The following DENND1A variants were observed in gnomAD, a reference collection of about 807,000 sequenced individuals.
The protein encoded by DENND1A is DENN domain containing 1A.
A neutral mutation model predicts 113.7 loss-of-function variants in DENND1A; 51 were observed. The observed-to-expected ratio is 0.45, with a 90% CI of 0.36 to 0.57. The LOEUF (loss-of-function observed/expected upper bound fraction) is 0.57. Ranked by LOEUF, DENND1A falls within the 20% of genes least tolerant of loss-of-function variation. DENND1A has a pLI of 0.00. For synonymous variants in DENND1A, 565 were observed against 570.8 expected (o/e 0.99, Z 0.14); for missense variants, 1,258 against 1,395.9 (o/e 0.90, Z 1.57).
In DENND1A at chr9:123,413,996, G is replaced by C. The variant is rs1202345938; in HGVS notation, c.1489-2167C>G. The C allele has an allele frequency of 3.0e-6, 3 of 988,860 alleles. No homozygotes were observed. In the African/African-American group the frequency reaches 5.2e-5, roughly 17 times the overall value. 61.3% of individuals were successfully genotyped at this position (988,860 alleles called of 1,614,324 possible). A position where few individuals can be genotyped will look rare whatever the true frequency, so the allele number is the denominator to read the frequency against. Reference sequence around the variant, plus strand: ...CTTATGCTTGGCCTTTCTACTTCGGGGGAACCATCTTCTCCAGCCCCACTG... The same window carrying C: ...CTTATGCTTGGCCTTTCTACTTCGGCGGAACCATCTTCTCCAGCCCCACTG... On this transcript the variant is annotated intron_variant, in intron 19 of 23. Coordinates refer to ENST00000394215, the MANE Select transcript of DENND1A (RefSeq NM_001352964.2).
intron 20 of DENND1A, among the ~76,000 whole-genome samples, chr9:123,408,915 C>T (rs10818818): frequency 6.6e-6 from 1 of 152,040 alleles, no homozygotes; most frequent in Non-Finnish European, 1.5e-5. Flanking sequence ...ATTCCCTGCC[C>T]GCCTTGGATC....
chr9:123,905,594 T>C (rs1338004607), intron 1 of DENND1A, among the ~76,000 whole-genome samples: 1 of 140,084 alleles, frequency 7.1e-6, no homozygotes, highest in East Asian at 2.1e-4. Context: ...CCAACAAAGA[T>C]CAAAAGAGAC....
At position 123,711,481 on chromosome 9, in the gene DENND1A, TAA is replaced by T. The variant is rs1233510468; in HGVS notation, c.303-34694_303-34693del. On this transcript the variant is annotated intron_variant, in intron 5 of 23. Transcript: ENST00000394215. ...GCTCCATCTCAAAATAATAATAAAT[TAA>T]AAAATATATATATATATATATGTAT... 3.1e-3 allele frequency among the ~76,000 whole-genome samples: 274 copies of T among 89,050 alleles called. 4 individuals carry two copies. Among genetic ancestry groups the T allele is most frequent in the African/African-American group, 0.016 (258 of 16,198 alleles). The allele number at this position is 89,050 out of a possible 152,430, so 58.4% of individuals were successfully genotyped here.
chr9:123,512,024 C>G (rs969892574), intron 13 of DENND1A, among the ~76,000 whole-genome samples: 1 of 152,184 alleles, frequency 6.6e-6, no homozygotes, highest in Non-Finnish European at 1.5e-5. Context: ...GAGAAGAATA[C>G]AGAGGATCGA....
chr9:123,494,956 T>A (rs1024507032), intron 13 of DENND1A, among the ~76,000 whole-genome samples: 6 of 152,054 alleles, frequency 3.9e-5, no homozygotes, highest in African/African-American at 1.2e-4. Flanking sequence ...CACGCCAGGA[T>A]AATTTTTGTA....
chr9:123,493,888 G>A (rs976957865), intron 13 of DENND1A, among the ~76,000 whole-genome samples: 1 of 152,148 alleles, frequency 6.6e-6, no homozygotes, highest in Non-Finnish European at 1.5e-5. Flanking sequence ...TCTTTCCTGA[G>A]AGCAATTTGA....
intron 5 of DENND1A, among the ~76,000 whole-genome samples, chr9:123,694,159 A>G (rs781775061): frequency 1.3e-5 from 2 of 152,064 alleles, no homozygotes; most frequent in Non-Finnish European, 1.5e-5. Context: ...ACACTAACAA[A>G]TTATTTGTGA....
intron 8 of DENND1A, 65 bp from the exon 9 acceptor site, chr9:123,652,188 A>G (rs41278284): frequency 1.8e-4 from 231 of 1,263,420 alleles, no homozygotes; most frequent in Non-Finnish European, 2.5e-4. Context: ...ACTGTATCTA[A>G]TAAGAGCATA....
At chr9:123,570,249 G>T (rs1344145994) in intron 12 of DENND1A, among the ~76,000 whole-genome samples, 59 of 152,318 alleles carry the variant, frequency 3.9e-4, no homozygotes, top group South Asian at 8.3e-4. Flanking sequence ...AGTGGCTATA[G>T]ATCTGCCCAT....
At chr9:123,641,200 T>C (rs1467375947) in intron 9 of DENND1A, among the ~76,000 whole-genome samples, 1 of 152,210 alleles carries the variant, frequency 6.6e-6, no homozygotes, top group Non-Finnish European at 1.5e-5. Context: ...ATTTCTTTTA[T>C]GACAGCCATG....
intron 2 of DENND1A, among the ~76,000 whole-genome samples, chr9:123,861,770 A>G (rs1035657489): frequency 2.6e-5 from 4 of 152,140 alleles, no homozygotes; most frequent in Non-Finnish European, 5.9e-5. Flanking sequence ...ATCAACAAAG[A>G]GGGGTTTTCT....
intron 5 of DENND1A, among the ~76,000 whole-genome samples, chr9:123,698,561 T>C (rs2065669517): frequency 6.6e-6 from 1 of 152,212 alleles, no homozygotes; most frequent in South Asian, 2.1e-4. Flanking sequence ...TGGACCAACA[T>C]TATATAATTT....
intron 13 of DENND1A, among the ~76,000 whole-genome samples, chr9:123,477,773 G>T (rs2050031534): frequency 1.3e-5 from 2 of 151,852 alleles, no homozygotes; most frequent in South Asian, 4.2e-4. Flanking sequence ...AAGATTAAAT[G>T]AACACGAGTG....
intron 13 of DENND1A, among the ~76,000 whole-genome samples, chr9:123,502,366 G>C (rs941793796): frequency 6.6e-6 from 1 of 152,058 alleles, no homozygotes; most frequent in African/African-American, 2.4e-5. Context: ...GTTATTTTCT[G>C]CTTTTTTAAC....
In DENND1A at chr9:123,930,037, C is replaced by G. The variant is rs1361731264; in HGVS notation, c.-132G>C. 1 of 219,912 alleles carries G rather than the reference C, an allele frequency of 4.5e-6. No individual in the cohort carries two copies. The highest frequency in any genetic ancestry group is 8.8e-6 in the Non-Finnish European group (1 of 113,536). 13.6% of individuals were successfully genotyped at this position (219,912 alleles called of 1,614,324 possible). A position where few individuals can be genotyped will look rare whatever the true frequency, so the allele number is the denominator to read the frequency against. ...CTTCCCTCAGGCTGGGGCCCGCCCG[C>G]TCGAGGCTCGCTCCCTCGCCGCCGC... On this transcript the variant is annotated 5_prime_UTR_variant, in exon 1 of 24. Coordinates refer to ENST00000394215, the MANE Select transcript of DENND1A (RefSeq NM_001352964.2).
intron 21 of DENND1A, among the ~76,000 whole-genome samples, chr9:123,402,961 A>T (rs555228724): frequency 1.2e-4 from 18 of 152,304 alleles, no homozygotes; most frequent in Non-Finnish European, 2.1e-4. Context: ...CAGGTGGGCA[A>T]AGGGTCCTGG....
intron 22 of DENND1A, among the ~76,000 whole-genome samples, chr9:123,387,062 A>T (rs2042603023): frequency 1.3e-5 from 2 of 152,254 alleles, no homozygotes; most frequent in African/African-American, 4.8e-5. Flanking sequence ...CGTGTTAACA[A>T]GGGCAGACAG....
At chr9:123,715,434 C>G (rs2066908964) in intron 5 of DENND1A, among the ~76,000 whole-genome samples, 1 of 152,142 alleles carries the variant, frequency 6.6e-6, no homozygotes, top group Admixed American at 6.5e-5. Flanking sequence ...TTCACTGACT[C>G]ATATAAAACT....
At chr9:123,797,137 A>G (rs943604344) in intron 2 of DENND1A, among the ~76,000 whole-genome samples, 2 of 152,212 alleles carry the variant, frequency 1.3e-5, no homozygotes, top group African/African-American at 4.8e-5. Context: ...AATATTGAAC[A>G]TATTTAAAGC....
Sources: allele counts gnomAD v4.1 joint callset (sites outside exome capture counted in the v4.1 genomes callset), GRCh38; gene constraint gnomAD v4.1.1; transcripts MANE v1.5; gene names NCBI Gene and HGNC (gene_info 2026-07-23, HGNC 2026-07-21).